Variants in PTPRG observed in about 807,000 individuals in gnomAD.
PTPRG encodes the protein receptor-type tyrosine-protein phosphatase gamma.
A neutral mutation model predicts 165.3 loss-of-function variants in PTPRG; 102 were observed. The ratio of observed to expected loss-of-function variants is 0.62; its 90% CI spans 0.53 to 0.73. PTPRG has a LOEUF of 0.73. PTPRG is among the 30% of genes least tolerant of loss of function. PTPRG has a pLI of 0.00. For missense variants in PTPRG, 1,866 were observed against 1,861.4 expected (o/e 1.00, Z -0.05); for synonymous variants, 675 against 669.5 (o/e 1.01, Z -0.13).
At chr3:62,092,405 A>T (rs915688706) in intron 5 of PTPRG, among the ~76,000 whole-genome samples, 3 of 137,930 alleles carry the variant, frequency 2.2e-5, no homozygotes, top group African/African-American at 8.3e-5. Context: ...GTGCCACTGC[A>T]CTCCAACCTG....
At chr3:61,588,012 C>G (rs539778567) in intron 1 of PTPRG, among the ~76,000 whole-genome samples, 22 of 151,870 alleles carry the variant, frequency 1.4e-4, no homozygotes, top group Middle Eastern at 3.4e-3. Context: ...CCATGATCAC[C>G]GTGTTACATT....
chr3:61,881,869 T>C (rs1237862449), intron 2 of PTPRG, among the ~76,000 whole-genome samples: 1 of 152,182 alleles, frequency 6.6e-6, no homozygotes, highest in African/African-American at 2.4e-5. Context: ...TCCTCCATAA[T>C]AGTGTTTCCC....
intron 1 of PTPRG, among the ~76,000 whole-genome samples, chr3:61,597,072 C>T (rs1286032619): frequency 2.0e-5 from 3 of 151,960 alleles, no homozygotes; most frequent in Non-Finnish European, 4.4e-5. Flanking sequence ...AAAGAGAAGG[C>T]GAGGTAGGGA....
At position 61,862,144 on chromosome 3, in the gene PTPRG, C is replaced by G. The variant is rs139917552; in HGVS notation, c.190+113162C>G. ...ATTAGATTCTGACAGGAGCGCGAAC[C>G]CTGTTGTGAACTGCTCATGCCAGGG... is the stretch of plus-strand genomic sequence containing the variant. On this transcript the variant is annotated intron_variant, in intron 2 of 29. Transcript: ENST00000474889. 3.7e-3 allele frequency among the ~76,000 whole-genome samples: 556 copies of G among 152,144 alleles called. 1 individual carries two copies. Among genetic ancestry groups the G allele is most frequent in the African/African-American group, 0.012 (506 of 41,522 alleles).
intron 2 of PTPRG, among the ~76,000 whole-genome samples, chr3:61,869,331 C>T (rs995228601): frequency 2.6e-5 from 4 of 152,142 alleles, no homozygotes; most frequent in African/African-American, 9.7e-5. Flanking sequence ...GAATGAAAGA[C>T]CATCTTGCCT....
At position 62,045,275 on chromosome 3, in the gene PTPRG, A is replaced by C. The variant is rs956599741; in HGVS notation, c.520-32888A>C. Among the ~76,000 whole-genome samples, 6 of 152,318 alleles carry C rather than the reference A, an allele frequency of 3.9e-5. No homozygotes were observed. In the East Asian group the frequency reaches 9.7e-4, roughly 25 times the overall value. On this transcript the variant is annotated intron_variant, in intron 4 of 29. Coordinates refer to ENST00000474889, the MANE Select transcript of PTPRG (RefSeq NM_002841.4). ...GTGTTTATCTCTGAGTTTACTTCCC[A>C]TCACAACCAATTAAGGCTATTTGGT...
intron 12 of PTPRG, among the ~76,000 whole-genome samples, chr3:62,207,315 C>T (rs1200021167): frequency 6.6e-6 from 1 of 152,154 alleles, no homozygotes; most frequent in Non-Finnish European, 1.5e-5. Flanking sequence ...TTTGCCAACC[C>T]CTGGTTTACA....
At chr3:62,209,089 T>C (rs1700298394) in intron 12 of PTPRG, among the ~76,000 whole-genome samples, 1 of 152,250 alleles carries the variant, frequency 6.6e-6, no homozygotes, top group African/African-American at 2.4e-5. Flanking sequence ...GCAGTATTAA[T>C]TAAGTGAATA....
intron 4 of PTPRG, among the ~76,000 whole-genome samples, chr3:62,052,033 G>A (rs1197040927): frequency 6.6e-6 from 1 of 152,072 alleles, no homozygotes; most frequent in Non-Finnish European, 1.5e-5. Flanking sequence ...AGTAAAAAAA[G>A]GATCTAATCA....
chr3:62,081,164 G>A (rs1439958357), intron 5 of PTPRG, among the ~76,000 whole-genome samples: 1 of 151,816 alleles, frequency 6.6e-6, no homozygotes, highest in Non-Finnish European at 1.5e-5. Context: ...GGCTGAGGCA[G>A]GAGAATGGCG....
chr3:62,273,300 C>T lies in PTPRG; in HGVS notation c.3318+219C>T, dbSNP rs1166815355. On this transcript the variant is annotated intron_variant, in intron 22 of 29. Coordinates refer to ENST00000474889, the MANE Select transcript of PTPRG (RefSeq NM_002841.4). The surrounding 1 kb of genome is among the most constrained non-coding windows in gnomAD (Gnocchi z 4.1). ...GGATTCCTAAATAACTACACAAGTA[C>T]TTACGAAAGAGATACAGTTGTTTCA... 1.3e-5 allele frequency among the ~76,000 whole-genome samples: 2 copies of T among 152,154 alleles called. No homozygotes were observed. Among genetic ancestry groups the T allele is most frequent in the East Asian group, 1.9e-4 (1 of 5,192 alleles).
intron 2 of PTPRG, among the ~76,000 whole-genome samples, chr3:61,963,701 G>T (rs72885853): frequency 0.029 from 4,431 of 152,168 alleles, 202 homozygotes; most frequent in African/African-American, 0.099. Flanking sequence ...TTGAACTGTA[G>T]AATATACTTT....
At chr3:61,719,243 G>T (rs2031946435) in intron 1 of PTPRG, among the ~76,000 whole-genome samples, 1 of 152,200 alleles carries the variant, frequency 6.6e-6, no homozygotes. Flanking sequence ...TCGTTGACTT[G>T]TATTTTCTAT....
chr3:62,070,943 A>T (rs1456129601), intron 4 of PTPRG, among the ~76,000 whole-genome samples: 1 of 152,042 alleles, frequency 6.6e-6, no homozygotes, highest in East Asian at 1.9e-4. Context: ...AATTAAAAAA[A>T]AAAAGAAAAA....
At chr3:62,207,268 A>C (rs75145252) in intron 12 of PTPRG, among the ~76,000 whole-genome samples, 2,149 of 152,328 alleles carry the variant, frequency 0.014, 47 homozygotes, top group African/African-American at 0.049. Context: ...TGTTTGCAGA[A>C]ACAGGCGATG....
At chr3:62,080,907 C>G (rs1242254970) in intron 5 of PTPRG, among the ~76,000 whole-genome samples, 1 of 152,114 alleles carries the variant, frequency 6.6e-6, no homozygotes, top group Non-Finnish European at 1.5e-5. Flanking sequence ...AGGTCCTTTT[C>G]TAAATTTGGC....
chr3:61,670,296 T>C (rs886833610), intron 1 of PTPRG, among the ~76,000 whole-genome samples: 1 of 152,146 alleles, frequency 6.6e-6, no homozygotes, highest in Non-Finnish European at 1.5e-5. Context: ...TTTTTGAAAA[T>C]GTGTTAATTC....
At chr3:62,003,520 A>G (rs748575600) in intron 4 of PTPRG, 23 bp downstream of exon 4, 4 of 1,612,714 alleles carry the variant, frequency 2.5e-6, no homozygotes, top group South Asian at 1.1e-5. Context: ...CAAGATCTCA[A>G]CGTGTAGCTG....
intron 5 of PTPRG, among the ~76,000 whole-genome samples, chr3:62,080,522 T>C (rs1701535480): frequency 6.6e-6 from 1 of 152,182 alleles, no homozygotes; most frequent in Non-Finnish European, 1.5e-5. Context: ...CAGCTGGACC[T>C]CTGCTCCTGT....
Sources: gnomAD v4.1 joint callset for allele counts (sites outside exome capture counted in the v4.1 genomes callset) on GRCh38, gnomAD v4.1.1 for gene constraint, Gnocchi (gnomAD v3.1) non-coding constraint, MANE v1.5 for transcripts, NCBI Gene and HGNC (gene_info 2026-07-23, HGNC 2026-07-21) for gene names.